The following MEGF9 variants were observed in gnomAD, a reference collection of about 807,000 sequenced individuals.
MEGF9 encodes the protein multiple epidermal growth factor-like domains protein 9.
In MEGF9, 6 loss-of-function variants were observed where a neutral mutation model predicts 46.8. The ratio of observed to expected loss-of-function variants is 0.13; its 90% confidence interval spans 0.07 to 0.25. The LOEUF (loss-of-function observed/expected upper bound fraction) is 0.25, where lower values mean the gene tolerates loss of function less well. Ranked by LOEUF, MEGF9 falls within the 10% of genes least tolerant of loss-of-function variation. The pLI is 1.00. For synonymous variants in MEGF9, 302 were observed against 330.7 expected, an observed-to-expected ratio of 0.91 and a Z score of 0.94; for missense variants, 683 against 792.4, an observed-to-expected ratio of 0.86 and a Z score of 1.66.
chr9:120,663,235 T>C lies in MEGF9; in HGVS notation c.602-3660A>G, dbSNP rs2043710506. Among the ~76,000 whole-genome samples, 3 of 152,292 alleles carry C rather than the reference T, an allele frequency of 2.0e-5. No homozygotes were observed. In the South Asian group the frequency reaches 6.2e-4, roughly 32 times the overall value. On this transcript the variant is annotated intron_variant, in intron 1 of 5. Coordinates refer to ENST00000373930, the MANE Select transcript of MEGF9 (RefSeq NM_001080497.3). ...CCAGGGAGCATGGGCATCTTTTCTG[T>C]GTGTAACTCAGAACTTAAGGCCCGT...
chr9:120,682,745 G>T (rs2043804311), intron 1 of MEGF9, among the ~76,000 whole-genome samples: 1 of 152,084 alleles, frequency 6.6e-6, no homozygotes, highest in African/African-American at 2.4e-5. Flanking sequence ...ACCATCCCCA[G>T]CTAATGTTTT....
intron 2 of MEGF9, among the ~76,000 whole-genome samples, chr9:120,640,081 C>T (rs1170187013): frequency 6.6e-6 from 1 of 152,128 alleles, no homozygotes; most frequent in Non-Finnish European, 1.5e-5. Context: ...TACCTCTCTC[C>T]AATGTTTCTG....
At chr9:120,663,000 G>A (rs1471372865) in intron 1 of MEGF9, among the ~76,000 whole-genome samples, 1 of 152,174 alleles carries the variant, frequency 6.6e-6, no homozygotes, top group Non-Finnish European at 1.5e-5. Flanking sequence ...TGTGGCTTCA[G>A]AGAAGATGAA....
At chr9:120,689,387 G>A (rs1358647310) in intron 1 of MEGF9, among the ~76,000 whole-genome samples, 1 of 152,158 alleles carries the variant, frequency 6.6e-6, no homozygotes, top group Non-Finnish European at 1.5e-5. Context: ...GGTGACAGGT[G>A]AAGGACTTTC....
intron 3 of MEGF9, among the ~76,000 whole-genome samples, chr9:120,614,271 T>C (rs1476823014): frequency 1.3e-5 from 2 of 152,296 alleles, no homozygotes; most frequent in South Asian, 2.1e-4. Context: ...GATGCGCCCA[T>C]GTAGGCCTCC....
chr9:120,688,736 C>T (rs934565922), intron 1 of MEGF9, among the ~76,000 whole-genome samples: 9 of 152,006 alleles, frequency 5.9e-5, no homozygotes, highest in African/African-American at 2.2e-4. Flanking sequence ...ACATAGGAAG[C>T]GTATGGTAAG....
At chr9:120,661,808 A>G (rs1328890391) in intron 1 of MEGF9, among the ~76,000 whole-genome samples, 2 of 152,190 alleles carry the variant, frequency 1.3e-5, no homozygotes, top group Non-Finnish European at 2.9e-5. Flanking sequence ...GTGGTCTGTA[A>G]ACCTGCCAAT....
At chr9:120,641,028 A>T (rs1023547457) in intron 2 of MEGF9, among the ~76,000 whole-genome samples, 6 of 152,190 alleles carry the variant, frequency 3.9e-5, no homozygotes, top group Admixed American at 1.3e-4. Flanking sequence ...TTGCTGCAAC[A>T]GATATGATTT....
At chr9:120,683,729 C>T (rs527882419) in intron 1 of MEGF9, among the ~76,000 whole-genome samples, 11 of 152,076 alleles carry the variant, frequency 7.2e-5, no homozygotes, top group African/African-American at 2.4e-4. Flanking sequence ...TCTGTCTCTA[C>T]TTAAAATACA....
intron 2 of MEGF9, among the ~76,000 whole-genome samples, chr9:120,635,150 T>C (rs1454542506): frequency 6.6e-6 from 1 of 152,228 alleles, no homozygotes; most frequent in African/African-American, 2.4e-5. Flanking sequence ...CATTCTTTCC[T>C]GGCCTGTAAG....
At chr9:120,667,979 C>T (rs1312183483) in intron 1 of MEGF9, among the ~76,000 whole-genome samples, 11 of 152,152 alleles carry the variant, frequency 7.2e-5, no homozygotes, top group Admixed American at 6.5e-4. Flanking sequence ...GAGACGAGAT[C>T]GTGCCACTGC....
At chr9:120,713,511 G>C (rs1446083974) in intron 1 of MEGF9, among the ~76,000 whole-genome samples, 2 of 152,166 alleles carry the variant, frequency 1.3e-5, no homozygotes, top group Non-Finnish European at 2.9e-5. Context: ...CTGTTGGGAA[G>C]AAGATGAGAT....
At chr9:120,654,501 A>C (rs916532246) in intron 2 of MEGF9, among the ~76,000 whole-genome samples, 1 of 152,232 alleles carries the variant, frequency 6.6e-6, no homozygotes, top group East Asian at 1.9e-4. Context: ...TCATGTGTTC[A>C]TGGTGATGTT....
At chr9:120,685,330 T>C (rs764837412) in intron 1 of MEGF9, among the ~76,000 whole-genome samples, 9 of 152,238 alleles carry the variant, frequency 5.9e-5, no homozygotes, top group Non-Finnish European at 4.4e-5. Context: ...ACCGTCGAAC[T>C]TCCTCTAATT....
intron 1 of MEGF9, among the ~76,000 whole-genome samples, chr9:120,697,329 C>T (rs2043882159): frequency 6.6e-6 from 1 of 152,178 alleles, no homozygotes; most frequent in Non-Finnish European, 1.5e-5. Context: ...GTGATCTGGC[C>T]CTCTCAGCCT....
intron 3 of MEGF9, among the ~76,000 whole-genome samples, chr9:120,617,498 A>C (rs890873744): frequency 6.6e-6 from 1 of 152,234 alleles, no homozygotes; most frequent in Admixed American, 6.5e-5. Context: ...GGAGAGAGTA[A>C]CAGGGCATAA....
intron 1 of MEGF9, among the ~76,000 whole-genome samples, chr9:120,709,700 G>C (rs2043944117): frequency 6.6e-6 from 1 of 152,218 alleles, no homozygotes; most frequent in African/African-American, 2.4e-5. Flanking sequence ...AGCCACATTA[G>C]GAGGTAGTGG....
intron 2 of MEGF9, among the ~76,000 whole-genome samples, chr9:120,637,487 T>TA (rs1160112596): frequency 0.036 from 5,118 of 142,712 alleles, 115 homozygotes; most frequent in African/African-American, 0.062. Context: ...TATTCTGCTT[T>TA]AAAAAAAAAA....
At chr9:120,698,664 A>G (rs2043889692) in intron 1 of MEGF9, among the ~76,000 whole-genome samples, 1 of 152,230 alleles carries the variant, frequency 6.6e-6, no homozygotes, top group Middle Eastern at 3.2e-3. Context: ...CTGTTTTTCA[A>G]AAACTGTTTT....
Sources: allele counts gnomAD v4.1 joint callset (sites outside exome capture counted in the v4.1 genomes callset), GRCh38; gene constraint gnomAD v4.1.1; transcripts MANE v1.5; gene names NCBI Gene and HGNC (gene_info 2026-07-23, HGNC 2026-07-21).